Variants in SLC24A3 observed in about 807,000 individuals in gnomAD.
The protein encoded by SLC24A3 is sodium/potassium/calcium exchanger 3.
SLC24A3 carries 28 observed loss-of-function variants against 75.8 expected under a neutral mutation model. The ratio of observed to expected loss-of-function variants is 0.37; its 90% CI spans 0.27 to 0.51. The LOEUF (loss-of-function observed/expected upper bound fraction) is 0.51, where lower values mean the gene tolerates loss of function less well. Among genes scored for constraint, SLC24A3 ranks in the 20% least tolerant of loss-of-function variants. The pLI is 0.94. For missense variants in SLC24A3, 663 were observed against 847.8 expected (o/e 0.78, Z 2.71); for synonymous variants, 372 against 334.1 (o/e 1.11, Z -1.24).
chr20:19,254,361 C>T (rs1298612389), intron 1 of SLC24A3, among the ~76,000 whole-genome samples: 1 of 152,088 alleles, frequency 6.6e-6, no homozygotes, highest in East Asian at 1.9e-4. Flanking sequence ...CGCGGCCTCC[C>T]CACGCTCACT....
intron 2 of SLC24A3, among the ~76,000 whole-genome samples, chr20:19,384,544 A>G (rs1158518438): frequency 6.6e-6 from 1 of 152,210 alleles, no homozygotes; most frequent in Non-Finnish European, 1.5e-5. Flanking sequence ...TCCATTGTGT[A>G]TATATACCAC....
At chr20:19,364,740 C>A (rs1985855630) in intron 2 of SLC24A3, among the ~76,000 whole-genome samples, 1 of 152,124 alleles carries the variant, frequency 6.6e-6, no homozygotes, top group Non-Finnish European at 1.5e-5. Context: ...CAGGCATGAG[C>A]CACCGTACCT....
In SLC24A3 at chr20:19,685,126, T is replaced by C; in HGVS notation, c.1089T>C (p.Ala363=). The C allele has an allele frequency of 6.2e-7, 1 of 1,613,304 alleles. No individual in the cohort carries two copies. The change falls in exon 12 of 17, where the codon GCT becomes GCC. Residue 363 remains alanine, a synonymous_variant. Coordinates refer to ENST00000328041, the MANE Select transcript of SLC24A3 (RefSeq NM_020689.4). ...NERQRLINSR[A]YTNGESEVAI... ...GACAAAGATTGATAAACAGCAGGGC[T>C]TATACCAACGGGGAATCTGAGGTGG...
chr20:19,675,889 T>C (rs1172369063), intron 9 of SLC24A3, among the ~76,000 whole-genome samples: 2 of 152,150 alleles, frequency 1.3e-5, no homozygotes, highest in East Asian at 3.9e-4. Context: ...AGCCTCAAAC[T>C]ACTGTCTGTG....
intron 2 of SLC24A3, among the ~76,000 whole-genome samples, chr20:19,360,207 A>T (rs1985761295): frequency 6.6e-6 from 1 of 152,230 alleles, no homozygotes; most frequent in Non-Finnish European, 1.5e-5. Context: ...ATACCATCTT[A>T]TGTTTGCAGT....
intron 10 of SLC24A3, among the ~76,000 whole-genome samples, chr20:19,682,916 A>C (rs933550759): frequency 2.0e-5 from 3 of 152,206 alleles, no homozygotes; most frequent in African/African-American, 7.2e-5. Context: ...TTCTAAGAGG[A>C]ACTCAGAAAA....
intron 2 of SLC24A3, among the ~76,000 whole-genome samples, chr20:19,399,553 A>G (rs1303328495): frequency 6.6e-6 from 1 of 152,162 alleles, no homozygotes; most frequent in Admixed American, 6.5e-5. Flanking sequence ...GAGATTTTTC[A>G]ATTATCCCTT....
intron 14 of SLC24A3, 24 bp downstream of exon 14, chr20:19,696,935 G>T: frequency 2.1e-6 from 2 of 936,128 alleles, no homozygotes; most frequent in Non-Finnish European, 3.2e-6. Context: ...TGGCAATGGG[G>T]AAGGAGGGAG....
intron 2 of SLC24A3, among the ~76,000 whole-genome samples, chr20:19,348,735 C>T (rs1985493444): frequency 6.6e-6 from 1 of 152,150 alleles, no homozygotes; most frequent in South Asian, 2.1e-4. Flanking sequence ...CAGTCTCCAT[C>T]CTCCAGGATA....
Position 19,664,035 on chromosome 20 carries a change from G to A in SLC24A3, c.688-1829G>A, listed in dbSNP as rs1383852492. ...GCTTTCATATTCTATGTTATTGCCT[G>A]CCTTCCCTGATAGAAGAAAATTAAA... On this transcript the variant is annotated intron_variant, in intron 7 of 16. Coordinates refer to ENST00000328041, the MANE Select transcript of SLC24A3 (RefSeq NM_020689.4). Among the ~76,000 whole-genome samples the A allele has an allele frequency of 2.0e-5, 3 of 152,252 alleles. No individual in the cohort carries two copies. The East Asian group carries it at 5.8e-4, about 29-fold the overall frequency.
At chr20:19,291,065 C>T (rs1479145756) in intron 2 of SLC24A3, among the ~76,000 whole-genome samples, 5 of 152,200 alleles carry the variant, frequency 3.3e-5, no homozygotes, top group African/African-American at 1.2e-4. Flanking sequence ...ATCTTGCCAT[C>T]GGGTCCTCAG....
rs1004681365 is a variant in SLC24A3 at position 19,634,348 on chromosome 20, G to A, written c.613-19714G>A. ...ATCTTCTCATTTACAGATGCTAGTTGCCCAGCGGCCACCAGAAATTCTGCT... is the reference window on the plus strand; with the variant it reads ...ATCTTCTCATTTACAGATGCTAGTTACCCAGCGGCCACCAGAAATTCTGCT... On this transcript the variant is annotated intron_variant, in intron 6 of 16. Transcript: ENST00000328041. 3.3e-5 allele frequency among the ~76,000 whole-genome samples: 5 copies of A among 152,076 alleles called. No individual in the cohort carries two copies. In the East Asian group the frequency reaches 5.8e-4, roughly 18 times the overall value.
intron 6 of SLC24A3, among the ~76,000 whole-genome samples, chr20:19,591,960 T>C (rs368480261): frequency 2.6e-5 from 4 of 152,206 alleles, no homozygotes; most frequent in Non-Finnish European, 4.4e-5. Flanking sequence ...CTCTCATTTC[T>C]TTCAGGTAAA....
At chr20:19,368,398 T>C (rs1342904150) in intron 2 of SLC24A3, among the ~76,000 whole-genome samples, 3 of 152,232 alleles carry the variant, frequency 2.0e-5, no homozygotes, top group Non-Finnish European at 4.4e-5. Flanking sequence ...AGTTCCATTT[T>C]ACTCCCCTTG....
chr20:19,285,531 T>A (rs1983793215), intron 2 of SLC24A3, among the ~76,000 whole-genome samples: 1 of 138,862 alleles, frequency 7.2e-6, no homozygotes, highest in Admixed American at 7.5e-5. Flanking sequence ...CTTGAAGACC[T>A]AGTTTTGGTA....
intron 15 of SLC24A3, among the ~76,000 whole-genome samples, chr20:19,711,725 C>T (rs572240898): frequency 2.1e-4 from 32 of 151,854 alleles, no homozygotes; most frequent in African/African-American, 7.5e-4. Flanking sequence ...CTGCAACCTC[C>T]GCTTCCAAGG....
At chr20:19,288,261 A>G (rs1041849469) in intron 2 of SLC24A3, among the ~76,000 whole-genome samples, 1 of 152,208 alleles carries the variant, frequency 6.6e-6, no homozygotes, top group Non-Finnish European at 1.5e-5. Context: ...AGAGTCCACT[A>G]TGTAAACAAA....
intron 2 of SLC24A3, among the ~76,000 whole-genome samples, chr20:19,496,809 A>T (rs1988296054): frequency 6.6e-6 from 1 of 152,122 alleles, no homozygotes; most frequent in Admixed American, 6.5e-5. Context: ...AGTTAGCAAA[A>T]TGGTAAAGGG....
rs112608413 is a variant in SLC24A3, at chr20:19,212,673, C to G, written c.-170C>G. The G allele has an allele frequency of 2.4e-3, 755 of 310,504 alleles. 4 individuals are homozygous for G. Among genetic ancestry groups the G allele is most frequent in the African/African-American group, 0.016 (720 of 43,900 alleles). The allele number at this position is 310,504 out of a possible 1,614,324, so 19.2% of individuals were successfully genotyped here. ...GACGAGGAGGGCGACGACGAGGAGA[C>G]GGGCAGCGGCGAGGAGGAGGAAGAG... is the stretch of plus-strand genomic sequence containing the variant. On this transcript the variant is annotated 5_prime_UTR_variant, in exon 1 of 17. Transcript: ENST00000328041.
Sources: gnomAD v4.1 joint callset for allele counts (sites outside exome capture counted in the v4.1 genomes callset) on GRCh38, gnomAD v4.1.1 for gene constraint, MANE v1.5 for transcripts, NCBI Gene and HGNC (gene_info 2026-07-23, HGNC 2026-07-21) for gene names.